Variants in CTNNA2 observed in about 807,000 individuals in gnomAD.
CTNNA2 encodes catenin alpha 2, also known as catenin alpha-2.
In CTNNA2, 42 loss-of-function variants were observed where a neutral mutation model predicts 101.0. The observed-to-expected ratio is 0.42, with a 90% CI of 0.32 to 0.54. The LOEUF is 0.54. CTNNA2 is among the 20% of genes least tolerant of loss of function. CTNNA2 has a pLI of 0.14. For missense variants in CTNNA2, 871 were observed against 1,223.1 expected (o/e 0.71, Z 4.29); for synonymous variants, 450 against 456.4 (o/e 0.99, Z 0.18).
chr2:80,024,051 C>CA (rs1429131597), intron 7 of CTNNA2, among the ~76,000 whole-genome samples: 1 of 142,534 alleles, frequency 7.0e-6, no homozygotes, highest in Non-Finnish European at 1.5e-5. Flanking sequence ...GGCGCCACTG[C>CA]ACTTCAGCCT....
chr2:79,615,443 A>C (rs1678553484), intron 1 of CTNNA2, among the ~76,000 whole-genome samples: 1 of 152,192 alleles, frequency 6.6e-6, no homozygotes, highest in South Asian at 2.1e-4. Context: ...TTTAACTGGA[A>C]TATTCTAAAA....
chr2:79,787,585 A>G (rs1247749224), intron 3 of CTNNA2, among the ~76,000 whole-genome samples: 2 of 152,194 alleles, frequency 1.3e-5, no homozygotes, highest in African/African-American at 4.8e-5. Flanking sequence ...TCTGAAAGTC[A>G]GAAGTTTAAA....
In CTNNA2 at chr2:79,858,015, G is replaced by A; in HGVS notation, c.301G>A (p.Glu101Lys). 1 of 1,611,728 alleles carries A rather than the reference G, an allele frequency of 6.2e-7. No individual in the cohort carries two copies. The highest frequency in any genetic ancestry group is 8.5e-7 in the Non-Finnish European group (1 of 1,178,046). The change falls in exon 4 of 19, where the codon GAG becomes AAG. Residue 101 changes from glutamate (E) to lysine (K), a missense_variant and splice_region_variant. Glu to Lys is a moderately conservative substitution (Grantham distance 56, BLOSUM62 1). Transcript: ENST00000402739. ...GCCTCTCCGTGTCTGTCTTCCAGGT[G>A]AGACGATGCGGATCGCCTCCTCCGA... Reference protein sequence around the residue: ...AAVEDVRKQGETMRIASSEFA... With the variant: ...AAVEDVRKQGKTMRIASSEFA...
At chr2:80,452,935 T>C (rs1045926020) in intron 9 of CTNNA2, among the ~76,000 whole-genome samples, 3 of 152,022 alleles carry the variant, frequency 2.0e-5, no homozygotes, top group African/African-American at 7.2e-5. Context: ...CAGAGTTAGT[T>C]GGCCAAGTTA....
chr2:79,768,064 C>G (rs990106340), intron 3 of CTNNA2, among the ~76,000 whole-genome samples: 13 of 151,754 alleles, frequency 8.6e-5, no homozygotes, highest in Non-Finnish European at 1.9e-4. Context: ...TGTGGGAACT[C>G]AAGTTCAGAC....
intron 15 of CTNNA2, among the ~76,000 whole-genome samples, chr2:80,598,446 C>A (rs974387117): frequency 2.0e-5 from 3 of 151,630 alleles, no homozygotes; most frequent in Admixed American, 2.0e-4. Context: ...GCACACATAG[C>A]GTAGAACTTA....
At chr2:80,557,360 C>T (rs940114563) in intron 12 of CTNNA2, among the ~76,000 whole-genome samples, 1 of 152,068 alleles carries the variant, frequency 6.6e-6, no homozygotes, top group Non-Finnish European at 1.5e-5. Context: ...ATTTTTTTCC[C>T]TAATTCTCCA....
At chr2:80,412,418 C>T (rs1306982574) in intron 8 of CTNNA2, among the ~76,000 whole-genome samples, 1 of 152,176 alleles carries the variant, frequency 6.6e-6, no homozygotes, top group East Asian at 1.9e-4. Context: ...TTTTCTTACA[C>T]ACAGCCCATG....
At chr2:79,391,445 G>T (rs1452466247) in intron 4 of CTNNA2, among the ~76,000 whole-genome samples, 2 of 152,068 alleles carry the variant, frequency 1.3e-5, no homozygotes. Context: ...TATTAACTAA[G>T]AATACAGTAT....
intron 2 of CTNNA2, among the ~76,000 whole-genome samples, chr2:79,715,622 T>C (rs998621594): frequency 6.6e-6 from 1 of 152,176 alleles, no homozygotes; most frequent in Non-Finnish European, 1.5e-5. Context: ...GTGGGAACAC[T>C]GATGAGAAGC....
chr2:80,596,195 A>AT (rs1696935971), intron 15 of CTNNA2, among the ~76,000 whole-genome samples: 1 of 127,758 alleles, frequency 7.8e-6, no homozygotes, highest in African/African-American at 3.0e-5. Context: ...AATGCCTGTG[A>AT]TTTTTGCACA....
At chr2:80,296,013 A>T (rs975997571) in intron 7 of CTNNA2, among the ~76,000 whole-genome samples, 2 of 151,766 alleles carry the variant, frequency 1.3e-5, no homozygotes, top group African/African-American at 2.4e-5. Context: ...CACCCTACTC[A>T]CCAGACTGAG....
intron 3 of CTNNA2, among the ~76,000 whole-genome samples, chr2:79,812,442 A>T (rs1044101304): frequency 6.6e-6 from 1 of 152,136 alleles, no homozygotes; most frequent in Admixed American, 6.6e-5. Flanking sequence ...GCCTGAAATG[A>T]TGTTAAATAT....
chr2:80,002,073 C>A (rs1335140336), intron 7 of CTNNA2, among the ~76,000 whole-genome samples: 3 of 152,142 alleles, frequency 2.0e-5, no homozygotes, highest in South Asian at 4.1e-4. Flanking sequence ...TTAGTGACAA[C>A]CCTAAAATAT....
At chr2:80,563,586 G>A (rs1282746030) in intron 12 of CTNNA2, among the ~76,000 whole-genome samples, 1 of 152,120 alleles carries the variant, frequency 6.6e-6, no homozygotes, top group Admixed American at 6.6e-5. Context: ...ATACTGGCTA[G>A]AGTGGTCTCC....
Position 79,858,159 on chromosome 2 carries a change from C to T in CTNNA2, c.445C>T (p.Leu149Phe), listed in dbSNP as rs1402706141. The change falls in exon 4 of 19, where the codon CTT (leucine) becomes TTT (phenylalanine). Residue 149 changes from leucine (L) to phenylalanine (F), a missense_variant. Physicochemically the swap from Leu to Phe is conservative, Grantham distance 22. Transcript: ENST00000402739. ...GGCGGACATGGCAGATGTCATGAGA[C>T]TTTTATCCCATCTGAAAATTGTACG... is the stretch of plus-strand genomic sequence containing the variant. ...ILADMADVMR[L>F]LSHLKIVEEA... is the part of the protein sequence containing the mutation. 3 of 1,612,930 alleles carry T rather than the reference C, an allele frequency of 1.9e-6. No individual in the cohort carries two copies. Among genetic ancestry groups the T allele is most frequent in the Admixed American group, 3.3e-5 (2 of 59,956 alleles).
At chr2:80,459,808 C>G (rs1005696043) in intron 9 of CTNNA2, among the ~76,000 whole-genome samples, 1 of 152,140 alleles carries the variant, frequency 6.6e-6, no homozygotes, top group Non-Finnish European at 1.5e-5. Context: ...TTTGGATTCC[C>G]ATAAAAGCCA....
At position 79,310,521 on chromosome 2, in the gene CTNNA2, T is replaced by C. The variant is rs147562052; in HGVS notation, c.-405-2188T>C. Among the ~76,000 whole-genome samples the C allele has an allele frequency of 2.2e-3, 331 of 152,352 alleles. 3 individuals are homozygous for C. The highest frequency in any genetic ancestry group is 6.9e-3 in the African/African-American group (288 of 41,580). On this transcript the variant is annotated intron_variant, in intron 2 of 21. Coordinates refer to the CTNNA2 transcript ENST00000466387. ...AACAGACTCTTCCTCTTCTCAAGAC[T>C]ACTGAAGAAATCTTGTCTTTGCCCA...
At chr2:80,340,548 A>C (rs1186770514) in intron 7 of CTNNA2, among the ~76,000 whole-genome samples, 1 of 152,234 alleles carries the variant, frequency 6.6e-6, no homozygotes, top group Non-Finnish European at 1.5e-5. Flanking sequence ...AAAGAGAAAC[A>C]ACAAGGCTAG....
Sources: allele counts gnomAD v4.1 joint callset (sites outside exome capture counted in the v4.1 genomes callset), GRCh38; gene constraint gnomAD v4.1.1; transcripts MANE v1.5; gene names NCBI Gene and HGNC (gene_info 2026-07-23, HGNC 2026-07-21).